SLC13A3: variants seen among roughly 807,000 people sequenced by gnomAD.
SLC13A3 encodes the protein solute carrier family 13 member 3.
In SLC13A3, 40 loss-of-function variants were observed where a neutral mutation model predicts 59.0. That is an observed-to-expected ratio of 0.68 (90% CI 0.53 to 0.88). SLC13A3 has a LOEUF of 0.88. SLC13A3 is among the 40% of genes least tolerant of loss of function. The pLI is 0.00. For synonymous variants in SLC13A3, 317 were observed against 330.3 expected, an observed-to-expected ratio of 0.96 and a Z score of 0.44; for missense variants, 699 against 783.2, an observed-to-expected ratio of 0.89 and a Z score of 1.28.
intron 1 of SLC13A3, among the ~76,000 whole-genome samples, chr20:46,648,938 C>T (rs867842442): frequency 0.075 from 10,349 of 137,276 alleles, 567 homozygotes; most frequent in African/African-American, 0.21. Flanking sequence ...CACACACACA[C>T]ACATACACAC....
chr20:46,570,785 G>C (rs1453655277), intron 10 of SLC13A3, among the ~76,000 whole-genome samples: 2 of 152,140 alleles, frequency 1.3e-5, no homozygotes, highest in African/African-American at 4.8e-5. Context: ...GCATAAAAAA[G>C]CTCAGTGATT....
At chr20:46,633,880 C>T (rs546158142) in intron 1 of SLC13A3, among the ~76,000 whole-genome samples, 15 of 152,322 alleles carry the variant, frequency 9.8e-5, no homozygotes, top group African/African-American at 2.6e-4. Context: ...TGCATTAGCT[C>T]GCCTGTGTGT....
At chr20:46,615,853 C>T (rs556418047) in intron 1 of SLC13A3, among the ~76,000 whole-genome samples, 1 of 152,160 alleles carries the variant, frequency 6.6e-6, no homozygotes, top group Non-Finnish European at 1.5e-5. Flanking sequence ...GGGAGAATTT[C>T]TGTACAGCAC....
chr20:46,680,107 T>C (rs2063147094), intron 1 of SLC13A3, among the ~76,000 whole-genome samples: 1 of 152,170 alleles, frequency 6.6e-6, no homozygotes, highest in South Asian at 2.1e-4. Flanking sequence ...TGACATACTT[T>C]GATTTTCCTT....
At chr20:46,681,335 A>C (rs1256491747) in intron 1 of SLC13A3, among the ~76,000 whole-genome samples, 1 of 152,198 alleles carries the variant, frequency 6.6e-6, no homozygotes, top group Non-Finnish European at 1.5e-5. Flanking sequence ...TTGAGTGAAT[A>C]AATGAACACG....
chr20:46,626,617 T>C (rs2062675653), intron 1 of SLC13A3, among the ~76,000 whole-genome samples: 2 of 152,064 alleles, frequency 1.3e-5, no homozygotes, highest in South Asian at 4.1e-4. Context: ...TGTGGGCAAA[T>C]GGATTCAGAT....
intron 6 of SLC13A3, 70 bp downstream of exon 6, chr20:46,592,334 G>C: frequency 1.3e-6 from 2 of 1,556,360 alleles, no homozygotes; most frequent in Non-Finnish European, 1.8e-6. Flanking sequence ...GTTTTCATAG[G>C]CAGATACTGA....
At chr20:46,675,039 G>A (rs2063116336), upstream of SLC13A3, among the ~76,000 whole-genome samples, 1 of 152,224 alleles carries the variant, frequency 6.6e-6, no homozygotes. Context: ...TGGGAAAAGT[G>A]TTTCAGGGAA....
chr20:46,671,901 T>C (rs541921301), upstream of SLC13A3, among the ~76,000 whole-genome samples: 2 of 152,310 alleles, frequency 1.3e-5, no homozygotes, highest in Admixed American at 1.3e-4. Flanking sequence ...AAGTCCCAGT[T>C]TGAAGGGGAA....
chr20:46,575,627 G>A lies in SLC13A3; in HGVS notation c.1278C>T (p.Pro426=), dbSNP rs1880898. The part of the protein sequence containing the change: ...LTWKKAQETV[P]WNIILLLGGG... ...CTCCCAGGAGAAGGATGATGTTCCA[G>A]GGCACTGTCTCCTGGGCCTTCTTCC... The change falls in exon 10 of 13, where the codon CCC becomes CCT. Residue 426 remains proline (P), a synonymous_variant. Transcript: ENST00000279027. 0.62 allele frequency: 1,002,091 copies of A among 1,603,530 alleles called. 315,139 individuals carry two copies. Among genetic ancestry groups the A allele is most frequent in the Middle Eastern group, 0.65 (3,906 of 6,042 alleles).
intron 1 of SLC13A3, among the ~76,000 whole-genome samples, chr20:46,637,295 CA>C (rs3092463): frequency 0.51 from 78,145 of 151,916 alleles, 20,341 homozygotes; most frequent in East Asian, 0.7. Context: ...CTCCACTGCT[CA>C]CAGTCCCTCG....
intron 3 of SLC13A3, chr20:46,608,948 A>G (rs2062463735): frequency 6.4e-7 from 1 of 1,550,808 alleles, no homozygotes; most frequent in African/African-American, 1.4e-5. Flanking sequence ...TGCACACATC[A>G]TTTCCACTCA....
At chr20:46,624,888 A>T (rs1600577438) in intron 1 of SLC13A3, among the ~76,000 whole-genome samples, 2 of 152,128 alleles carry the variant, frequency 1.3e-5, no homozygotes, top group East Asian at 3.9e-4. Context: ...CCCCTAAGGG[A>T]GTTCCCATAT....
In SLC13A3 at chr20:46,558,712, G is replaced by C. The variant is rs768483564; in HGVS notation, c.*1310C>G. On this transcript the variant is annotated 3_prime_UTR_variant, in exon 13 of 13. Coordinates refer to ENST00000279027, the MANE Select transcript of SLC13A3 (RefSeq NM_022829.6). ...GTATCAACAACAAGTGCAGCTGGGC[G>C]CTGCCTTCCCAGCTGGCCAAGCGCT... 1.3e-5 allele frequency: 2 copies of C among 152,126 alleles called. No individual in the cohort carries two copies. The highest frequency in any genetic ancestry group is 4.8e-5 in the African/African-American group (2 of 41,420). 9.4% of individuals were successfully genotyped at this position (152,126 alleles called of 1,614,324 possible). A position where few individuals can be genotyped will look rare whatever the true frequency, so the allele number is the denominator to read the frequency against.
chr20:46,583,405 C>T lies in SLC13A3; in HGVS notation c.1219+167G>A. 3 of 1,413,936 alleles carry T rather than the reference C, an allele frequency of 2.1e-6. No individual in the cohort carries two copies. In the East Asian group the frequency reaches 7.7e-5, roughly 36 times the overall value. 87.6% of individuals were successfully genotyped at this position (1,413,936 alleles called of 1,614,324 possible). ...TGCTAACCCCTGTCCTGGACTACCA[C>T]CTGGGGCAGCCCTCAGTCCCCAGAC... On this transcript the variant is annotated intron_variant, in intron 9 of 12. Coordinates refer to ENST00000279027, the MANE Select transcript of SLC13A3 (RefSeq NM_022829.6).
upstream of SLC13A3, among the ~76,000 whole-genome samples, chr20:46,672,658 C>T (rs78781644): frequency 0.024 from 3,663 of 152,214 alleles, 137 homozygotes; most frequent in African/African-American, 0.082. Flanking sequence ...AACAGCTTAC[C>T]GTGGAAGTGA....
intron 1 of SLC13A3, among the ~76,000 whole-genome samples, chr20:46,648,451 G>T (rs1205801995): frequency 6.6e-6 from 1 of 152,096 alleles, no homozygotes; most frequent in Non-Finnish European, 1.5e-5. Context: ...GGAGGCGAAG[G>T]TCCTCCAAAG....
chr20:46,635,572 C>T (rs889236026), intron 1 of SLC13A3, among the ~76,000 whole-genome samples: 9 of 152,218 alleles, frequency 5.9e-5, no homozygotes, highest in African/African-American at 2.2e-4. Flanking sequence ...TCATCCCCAA[C>T]TCCCTCCCTA....
chr20:46,587,181 C>T (rs974297063), intron 8 of SLC13A3, among the ~76,000 whole-genome samples: 1 of 152,162 alleles, frequency 6.6e-6, no homozygotes, highest in African/African-American at 2.4e-5. Flanking sequence ...ATGAATATAG[C>T]TAACAACTAT....
Sources: gnomAD v4.1 joint callset for allele counts (sites outside exome capture counted in the v4.1 genomes callset) on GRCh38, gnomAD v4.1.1 for gene constraint, MANE v1.5 for transcripts, NCBI Gene and HGNC (gene_info 2026-07-23, HGNC 2026-07-21) for gene names.